MYT1L: variants seen among roughly 807,000 people sequenced by gnomAD.
MYT1L encodes myelin transcription factor 1-like protein.
A neutral mutation model predicts 126.7 loss-of-function variants in MYT1L; 12 were observed. That is an observed-to-expected ratio of 0.09 (90% CI 0.06 to 0.15). The LOEUF (loss-of-function observed/expected upper bound fraction) is 0.15. Ranked by LOEUF, MYT1L falls within the 10% of genes least tolerant of loss-of-function variation. The pLI is 1.00. For synonymous variants in MYT1L, 541 were observed against 604.2 expected (o/e 0.90, Z 1.53); for missense variants, 979 against 1,585.2 (o/e 0.62, Z 6.49).
intron 10 of MYT1L, among the ~76,000 whole-genome samples, chr2:1,919,208 T>C (rs1328342136): frequency 3.9e-5 from 6 of 152,180 alleles, no homozygotes; most frequent in Admixed American, 3.3e-4. Context: ...CTCCAAAGCA[T>C]TTTGGGTTTT....
chr2:2,002,266 G>A (rs914569603), intron 4 of MYT1L, among the ~76,000 whole-genome samples: 1 of 152,122 alleles, frequency 6.6e-6, no homozygotes, highest in South Asian at 2.1e-4. Flanking sequence ...GTGATTGTGC[G>A]GTTGGCTCTC....
intron 13 of MYT1L, among the ~76,000 whole-genome samples, chr2:1,906,609 C>A (rs559005088): frequency 1.4e-4 from 22 of 152,036 alleles, no homozygotes; most frequent in African/African-American, 5.1e-4. Flanking sequence ...GGTTAAATAT[C>A]CAATTTATTT....
rs758306764 is a variant in MYT1L, at chr2:1,979,481, A to G, written c.89+40T>C. The G allele has an allele frequency of 6.2e-6, 10 of 1,602,580 alleles. No individual in the cohort carries two copies. In the African/African-American group the frequency reaches 8.0e-5, roughly 13 times the overall value. ...CCCATTAGAAGGCGTGAATTTTCCAAACTGTTAATGGGGATGCATTTTACC... is the reference window on the plus strand; with the variant it reads ...CCCATTAGAAGGCGTGAATTTTCCAGACTGTTAATGGGGATGCATTTTACC... On this transcript the variant is annotated intron_variant, in intron 7 of 24. Coordinates refer to ENST00000647738, the MANE Select transcript of MYT1L (RefSeq NM_001303052.2). The surrounding 1 kb of genome is among the most constrained non-coding windows in gnomAD (Gnocchi z 4.0).
intron 8 of MYT1L, among the ~76,000 whole-genome samples, chr2:1,952,000 T>C (rs886538501): frequency 3.9e-5 from 6 of 152,262 alleles, no homozygotes; most frequent in Admixed American, 2.6e-4. Flanking sequence ...TTTAACTACA[T>C]ACTTCCTTCC....
At chr2:2,168,223 G>T (rs915542984) in intron 3 of MYT1L, among the ~76,000 whole-genome samples, 3 of 152,174 alleles carry the variant, frequency 2.0e-5, no homozygotes, top group African/African-American at 7.2e-5. Context: ...AGAGGCTCCA[G>T]GTCAGAGGGA....
intron 3 of MYT1L, among the ~76,000 whole-genome samples, chr2:2,058,947 T>C (rs2070001010): frequency 6.6e-6 from 1 of 152,184 alleles, no homozygotes; most frequent in African/African-American, 2.4e-5. Flanking sequence ...TGTTCATTCA[T>C]ATGGGGGCAA....
rs771025020 is a variant in MYT1L, at chr2:2,286,755, G to A, written c.-520-2252C>T. On this transcript the variant is annotated intron_variant, in intron 1 of 24. Coordinates refer to ENST00000647738, the MANE Select transcript of MYT1L (RefSeq NM_001303052.2). Reference sequence around the variant, plus strand: ...AGCAACACATCTACCTAAAGCACCAGGCATTGGCTTTGGAGAACTATGCCA... The same window carrying A: ...AGCAACACATCTACCTAAAGCACCAAGCATTGGCTTTGGAGAACTATGCCA... Among the ~76,000 whole-genome samples the A allele has an allele frequency of 4.1e-4, 62 of 152,154 alleles. 1 individual carries two copies. Among genetic ancestry groups the A allele is most frequent in the Non-Finnish European group, 7.9e-4 (54 of 68,034 alleles).
intron 2 of MYT1L, among the ~76,000 whole-genome samples, chr2:2,214,460 C>T (rs1572524419): frequency 6.6e-6 from 1 of 151,846 alleles, no homozygotes; most frequent in East Asian, 1.9e-4. Context: ...AACAGGAAAG[C>T]TTAAAGGCAG....
chr2:2,013,877 G>A (rs182421655), intron 4 of MYT1L, among the ~76,000 whole-genome samples: 6 of 152,380 alleles, frequency 3.9e-5, no homozygotes, highest in Non-Finnish European at 2.9e-5. Context: ...CACCCGGGCA[G>A]TTTGGTTTAA....
At chr2:1,849,993 A>G (rs2042998799) in intron 19 of MYT1L, among the ~76,000 whole-genome samples, 1 of 133,908 alleles carries the variant, frequency 7.5e-6, no homozygotes, top group Non-Finnish European at 1.6e-5. Context: ...TCACTCAGCT[A>G]CTCTGTACAG....
At chr2:1,947,829 C>T (rs2057374390) in intron 8 of MYT1L, among the ~76,000 whole-genome samples, 2 of 152,218 alleles carry the variant, frequency 1.3e-5, no homozygotes, top group African/African-American at 4.8e-5. Context: ...CTGGTCTCTG[C>T]CAGGACAATA....
intron 3 of MYT1L, among the ~76,000 whole-genome samples, chr2:2,116,225 G>C (rs980501394): frequency 6.6e-6 from 1 of 152,214 alleles, no homozygotes; most frequent in African/African-American, 2.4e-5. Context: ...GTCCTTGTTT[G>C]CCTTCTGGAA....
chr2:1,967,430 G>A (rs1269922899), intron 8 of MYT1L, among the ~76,000 whole-genome samples: 2 of 152,166 alleles, frequency 1.3e-5, no homozygotes, highest in South Asian at 2.1e-4. Flanking sequence ...GAGACGGCCC[G>A]GGGTGAACGC....
intron 2 of MYT1L, among the ~76,000 whole-genome samples, chr2:2,179,068 G>C (rs2091132863): frequency 6.6e-6 from 1 of 152,126 alleles, no homozygotes; most frequent in Admixed American, 6.5e-5. Flanking sequence ...ACCTGCTCTG[G>C]GAGCCCTTGA....
In MYT1L at chr2:1,852,230, C is replaced by T. The variant is rs181816616; in HGVS notation, c.2712-527G>A. Among the ~76,000 whole-genome samples the T allele has an allele frequency of 1.2e-3, 177 of 152,264 alleles. 1 individual carries two copies. Among genetic ancestry groups the T allele is most frequent in the Non-Finnish European group, 1.3e-4 (9 of 68,030 alleles). The stretch of plus-strand genomic sequence containing the variant: ...CCAGGGAGCAGTGAGGGTATCGACC[C>T]GCATCTGGACCATGGGAATGCAGGC... On this transcript the variant is annotated intron_variant, in intron 18 of 24. Coordinates refer to ENST00000647738, the MANE Select transcript of MYT1L (RefSeq NM_001303052.2). The surrounding 1 kb of genome is among the most constrained non-coding windows in gnomAD (Gnocchi z 4.0).
At chr2:2,186,382 C>G (rs1281598640) in intron 2 of MYT1L, among the ~76,000 whole-genome samples, 1 of 152,248 alleles carries the variant, frequency 6.6e-6, no homozygotes, top group African/African-American at 2.4e-5. Flanking sequence ...TACTGGTTAA[C>G]TGTAGTCCCG....
intron 21 of MYT1L, among the ~76,000 whole-genome samples, chr2:1,829,563 A>T (rs1316990743): frequency 8.3e-6 from 1 of 120,028 alleles, no homozygotes; most frequent in Non-Finnish European, 1.7e-5. Context: ...CTGTGAACTG[A>T]CCCTCCCATG....
chr2:1,873,882 T>C (rs547646109), intron 18 of MYT1L, among the ~76,000 whole-genome samples: 2 of 152,314 alleles, frequency 1.3e-5, no homozygotes, highest in African/African-American at 4.8e-5. Context: ...CCTGATGAGT[T>C]CTGATGGCTC....
chr2:2,290,526 G>T (rs917665743), intron 1 of MYT1L, among the ~76,000 whole-genome samples: 1 of 152,114 alleles, frequency 6.6e-6, no homozygotes, highest in Non-Finnish European at 1.5e-5. Context: ...TAACAATGAA[G>T]AAAAAGAGTC....
Sources: gnomAD v4.1 joint callset for allele counts (sites outside exome capture counted in the v4.1 genomes callset) on GRCh38, gnomAD v4.1.1 for gene constraint, Gnocchi (gnomAD v3.1) non-coding constraint, MANE v1.5 for transcripts, NCBI Gene and HGNC (gene_info 2026-07-23, HGNC 2026-07-21) for gene names.